The following ITGBL1 variants were observed in gnomAD, a reference collection of about 807,000 sequenced individuals.
The protein encoded by ITGBL1 is integrin beta-like protein 1.
Under a neutral mutation model 68.5 loss-of-function variants are expected in ITGBL1, and 51 were observed. The ratio of observed to expected loss-of-function variants is 0.74; its 90% CI spans 0.59 to 0.94. The LOEUF (loss-of-function observed/expected upper bound fraction) is 0.94. Among genes scored for constraint, ITGBL1 ranks in the 40% least tolerant of loss-of-function variants. The probability of loss-of-function intolerance (pLI) is 0.00; values close to 1 mark genes in which losing one functional copy is unlikely to be tolerated. For missense variants in ITGBL1, 649 were observed against 647.4 expected, an observed-to-expected ratio of 1.00 and a Z score of -0.03; for synonymous variants, 209 against 227.3, an observed-to-expected ratio of 0.92 and a Z score of 0.72.
At chr13:101,562,871 T>A (rs1248037511) in intron 2 of ITGBL1, among the ~76,000 whole-genome samples, 1 of 151,662 alleles carries the variant, frequency 6.6e-6, no homozygotes, top group Non-Finnish European at 1.5e-5. Context: ...ACAAGGAAAA[T>A]TGAACAAGAT....
At chr13:101,686,056 C>G (rs2033748120) in intron 7 of ITGBL1, among the ~76,000 whole-genome samples, 1 of 152,076 alleles carries the variant, frequency 6.6e-6, no homozygotes, top group Non-Finnish European at 1.5e-5. Context: ...TGAGATGAGA[C>G]TGGAGTTAAG....
intron 7 of ITGBL1, among the ~76,000 whole-genome samples, chr13:101,652,600 A>C (rs1164968958): frequency 6.6e-6 from 1 of 152,182 alleles, no homozygotes; most frequent in East Asian, 1.9e-4. Flanking sequence ...TGGAGAATCC[A>C]AATTTTTTGT....
At chr13:101,690,039 C>G (rs1003739419) in intron 7 of ITGBL1, among the ~76,000 whole-genome samples, 1 of 152,080 alleles carries the variant, frequency 6.6e-6, no homozygotes, top group Non-Finnish European at 1.5e-5. Context: ...GGGTTACATG[C>G]AAAAGGTTAA....
chr13:101,709,936 C>T (rs2034386273), intron 9 of ITGBL1, among the ~76,000 whole-genome samples: 1 of 152,124 alleles, frequency 6.6e-6, no homozygotes, highest in African/African-American at 2.4e-5. Flanking sequence ...TTATGAAAGT[C>T]ATTACAGCCC....
chr13:101,642,902 T>C (rs1237627659), intron 7 of ITGBL1, among the ~76,000 whole-genome samples: 69 of 151,454 alleles, frequency 4.6e-4, no homozygotes, highest in African/African-American at 1.5e-3. Context: ...CTGAGGGCTC[T>C]GTTCTGTTCC....
At chr13:101,517,717 A>G (rs572744314) in intron 2 of ITGBL1, among the ~76,000 whole-genome samples, 1 of 152,370 alleles carries the variant, frequency 6.6e-6, no homozygotes, top group South Asian at 2.1e-4. Context: ...TCTGTAATTC[A>G]GCCAGTGTGG....
intron 8 of ITGBL1, 29 bp downstream of exon 8, chr13:101,692,730 A>G: frequency 7.3e-7 from 1 of 1,372,302 alleles, no homozygotes; most frequent in Non-Finnish European, 1.0e-6. Context: ...GCTGTATGCT[A>G]CCTGCATGCA....
intron 2 of ITGBL1, among the ~76,000 whole-genome samples, chr13:101,517,659 C>G (rs1343744503): frequency 6.6e-6 from 1 of 152,150 alleles, no homozygotes; most frequent in Non-Finnish European, 1.5e-5. Context: ...GACTGCAAAT[C>G]CAGATGTTCA....
At chr13:101,712,143 T>G (rs1159631944) in intron 9 of ITGBL1, 1 of 152,250 alleles carries the variant, frequency 6.6e-6, no homozygotes, top group Non-Finnish European at 1.5e-5. Context: ...TATTACTATG[T>G]GCTATCTAGT....
chr13:101,657,057 T>C (rs2032950099), intron 7 of ITGBL1, among the ~76,000 whole-genome samples: 1 of 152,104 alleles, frequency 6.6e-6, no homozygotes, highest in South Asian at 2.1e-4. Flanking sequence ...CTGCACCCAC[T>C]AACTCGTCAG....
At chr13:101,614,054 G>T (rs2031248829) in intron 7 of ITGBL1, among the ~76,000 whole-genome samples, 1 of 150,626 alleles carries the variant, frequency 6.6e-6, no homozygotes, top group African/African-American at 2.4e-5. Flanking sequence ...TCAGGGACAA[G>T]AGGGGTGGGT....
At chr13:101,556,018 T>C (rs2049999483) in intron 2 of ITGBL1, among the ~76,000 whole-genome samples, 1 of 152,206 alleles carries the variant, frequency 6.6e-6, no homozygotes, top group Non-Finnish European at 1.5e-5. Flanking sequence ...CTCCAAACAC[T>C]TTCAGTGTGG....
At chr13:101,476,095 T>G (rs2094414002) in intron 2 of ITGBL1, among the ~76,000 whole-genome samples, 1 of 152,140 alleles carries the variant, frequency 6.6e-6, no homozygotes, top group Non-Finnish European at 1.5e-5. Context: ...ATATTTTGAG[T>G]AGAAAGACTA....
At chr13:101,651,440 G>A (rs569165668) in intron 7 of ITGBL1, among the ~76,000 whole-genome samples, 13 of 151,988 alleles carry the variant, frequency 8.6e-5, no homozygotes, top group Non-Finnish European at 1.9e-4. Context: ...ACCTTTTTTC[G>A]TATATTTGTT....
At chr13:101,541,482 A>C (rs114132966) in intron 2 of ITGBL1, among the ~76,000 whole-genome samples, 2,357 of 152,074 alleles carry the variant, frequency 0.015, 69 homozygotes, top group African/African-American at 0.053. Context: ...TTTCTGCGTC[A>C]ATGTTCATCA....
chr13:101,452,973 T>G (rs757996948), intron 1 of ITGBL1, 42 bp downstream of exon 1: 1 of 1,509,542 alleles, frequency 6.6e-7, no homozygotes, highest in South Asian at 1.1e-5. Flanking sequence ...CCTGCCCTGC[T>G]TATGTGGCAG....
intron 3 of ITGBL1, 41 bp downstream of exon 3, chr13:101,567,886 C>G: frequency 6.4e-7 from 1 of 1,551,722 alleles, no homozygotes; most frequent in South Asian, 1.2e-5. Flanking sequence ...GTGGAATAAT[C>G]AAATTTTGTT....
chr13:101,521,762 A>G (rs2049288984), intron 2 of ITGBL1, among the ~76,000 whole-genome samples: 1 of 152,102 alleles, frequency 6.6e-6, no homozygotes, highest in African/African-American at 2.4e-5. Flanking sequence ...AATCCGCACA[A>G]GTAAAATTGC....
At chr13:101,453,080 T>A in intron 1 of ITGBL1, 149 bp downstream of exon 1, 1 of 635,362 alleles carries the variant, frequency 1.6e-6, no homozygotes, top group Non-Finnish European at 2.8e-6. Context: ...CCTCTCCTTA[T>A]ATCTACAGCG....
Sources: allele counts gnomAD v4.1 joint callset (sites outside exome capture counted in the v4.1 genomes callset), GRCh38; gene constraint gnomAD v4.1.1; transcripts MANE v1.5; gene names NCBI Gene and HGNC (gene_info 2026-07-23, HGNC 2026-07-21).